The following ZP3 variants were observed in gnomAD, a reference collection of about 807,000 sequenced individuals.
ZP3 encodes zona pellucida sperm-binding protein 3.
In ZP3, 21 loss-of-function variants were observed where a neutral mutation model predicts 35.6. The observed-to-expected ratio is 0.59, with a 90% CI of 0.42 to 0.85. The LOEUF is 0.85. Among genes scored for constraint, ZP3 ranks in the 40% least tolerant of loss-of-function variants. The probability of loss-of-function intolerance (pLI) is 0.00; values close to 1 mark genes in which losing one functional copy is unlikely to be tolerated. For synonymous variants in ZP3, 207 were observed against 214.5 expected (o/e 0.96, Z 0.31); for missense variants, 437 against 536.5 (o/e 0.81, Z 1.83).
At chr7:76,422,161 T>C (rs980924379), upstream of ZP3, among the ~76,000 whole-genome samples, 3 of 151,312 alleles carry the variant, frequency 2.0e-5, no homozygotes, top group African/African-American at 7.3e-5. Context: ...CCTCCCAAAA[T>C]GCTGGGATTA....
intron 5 of ZP3, among the ~76,000 whole-genome samples, chr7:76,438,541 A>AAAAAAAAG: frequency 6.8e-6 from 1 of 146,758 alleles, no homozygotes; most frequent in African/African-American, 2.6e-5. Flanking sequence ...CGTCTCAGAA[A>AAAAAAAAG]AAAAAAAAAA....
intron 1 of ZP3, chr7:76,400,358 T>C: frequency 6.4e-7 from 1 of 1,563,988 alleles, no homozygotes; most frequent in Non-Finnish European, 8.7e-7. Context: ...CCGCACTCGC[T>C]CAGCGCAGCT....
At chr7:76,400,465 A>G (rs770658473) in intron 1 of ZP3, 24 of 1,608,390 alleles carry the variant, frequency 1.5e-5, no homozygotes, top group Non-Finnish European at 2.0e-5. Context: ...GCCACAGCCC[A>G]GCTGGCGACA....
intron 5 of ZP3, among the ~76,000 whole-genome samples, chr7:76,436,045 T>TCC (rs1805995484): frequency 5.3e-5 from 2 of 37,994 alleles, no homozygotes; most frequent in Non-Finnish European, 9.0e-5. Context: ...TTTTTTTTTT[T>TCC]TTTTTTTTTT....
chr7:76,440,508 T>C lies in ZP3; in HGVS notation c.957T>C (p.Cys319=). Residue 319 remains cysteine, a synonymous_variant, in exon 7 of 8, where the codon TGT becomes TGC. Coordinates refer to ENST00000394857, the MANE Select transcript of ZP3 (RefSeq NM_001110354.2). ...WFPVEGSADI[C]QCCNKGDCGT... The stretch of plus-strand genomic sequence containing the variant: ...CAGTGGAAGGCTCGGCTGACATCTG[T>C]CAATGCTGTAACAAAGGTGACTGTG... 1 of 1,614,164 alleles carries C rather than the reference T, an allele frequency of 6.2e-7. No individual in the cohort carries two copies.
chr7:76,421,592 C>T (rs1185848014), upstream of ZP3, among the ~76,000 whole-genome samples: 4 of 151,432 alleles, frequency 2.6e-5, no homozygotes, highest in Non-Finnish European at 2.9e-5. Flanking sequence ...TATACACACA[C>T]ATATATATGT....
At chr7:76,414,680 T>TCCC (rs1318844309) in intron 1 of ZP3, among the ~76,000 whole-genome samples, 1 of 103,868 alleles carries the variant, frequency 9.6e-6, no homozygotes, top group East Asian at 3.2e-4. Context: ...CCCTTCCCCT[T>TCCC]CCCCTCCTCC....
intron 5 of ZP3, among the ~76,000 whole-genome samples, chr7:76,437,645 C>T (rs1806062244): frequency 6.8e-6 from 1 of 147,606 alleles, no homozygotes; most frequent in African/African-American, 2.5e-5. Flanking sequence ...TGCCACCATG[C>T]CCAGCTAATT....
intron 1 of ZP3, among the ~76,000 whole-genome samples, chr7:76,417,116 G>C (rs1237874545): frequency 6.6e-6 from 1 of 151,782 alleles, no homozygotes; most frequent in Non-Finnish European, 1.5e-5. Flanking sequence ...GGAGTGTAAT[G>C]GTGCGATCTC....
intron 3 of ZP3, 74 bp downstream of exon 3, chr7:76,433,104 C>T (rs1563701338): frequency 1.1e-5 from 12 of 1,072,278 alleles, no homozygotes; most frequent in African/African-American, 4.2e-5. Context: ...TTGGCTGTGT[C>T]TTTTTTTTGT....
At chr7:76,416,885 CAT>C (rs1485817540) in intron 1 of ZP3, among the ~76,000 whole-genome samples, 7 of 139,740 alleles carry the variant, frequency 5.0e-5, no homozygotes, top group South Asian at 4.4e-4. Context: ...TACACACATA[CAT>C]ATATATACAC....
At chr7:76,438,538 G>GAAAAA (rs71085417) in intron 5 of ZP3, among the ~76,000 whole-genome samples, 10,072 of 86,998 alleles carry the variant, frequency 0.12, 38 homozygotes, top group Middle Eastern at 0.15. Flanking sequence ...CTCCGTCTCA[G>GAAAAA]AAAAAAAAAA....
At chr7:76,440,978 C>T (rs1292144937) in intron 7 of ZP3, among the ~76,000 whole-genome samples, 9 of 152,040 alleles carry the variant, frequency 5.9e-5, no homozygotes, top group Non-Finnish European at 1.3e-4. Flanking sequence ...TCGAGACCAG[C>T]CTGACCAACA....
At chr7:76,418,656 A>G (rs1805435624) in intron 1 of ZP3, among the ~76,000 whole-genome samples, 1 of 151,552 alleles carries the variant, frequency 6.6e-6, no homozygotes, top group Non-Finnish European at 1.5e-5. Context: ...GGCGGTCGAG[A>G]CCATCCCAGC....
At position 76,404,384 on chromosome 7, in the gene ZP3, C is replaced by T. The variant is rs776083589; in HGVS notation, c.-67+6587C>T. ...AGCACTCCCATCTCCCAACCTCCAC[C>T]CCCAGCGCTTCTCATCCAGCTGGGG... On this transcript the variant is annotated intron_variant, in intron 1 of 8. Coordinates refer to the ZP3 transcript ENST00000336517. The T allele has an allele frequency of 6.8e-6, 11 of 1,613,860 alleles. No individual in the cohort carries two copies. The highest frequency in any genetic ancestry group is 3.3e-5 in the Admixed American group (2 of 59,984).
At chr7:76,430,745 T>C (rs1805803377) in intron 2 of ZP3, among the ~76,000 whole-genome samples, 1 of 151,766 alleles carries the variant, frequency 6.6e-6, no homozygotes, top group African/African-American at 2.4e-5. Flanking sequence ...AAAAAGAAAA[T>C]GCTAGTGTGA....
chr7:76,407,504 G>A (rs1423163442), intron 1 of ZP3, among the ~76,000 whole-genome samples: 2 of 152,050 alleles, frequency 1.3e-5, no homozygotes, highest in South Asian at 4.1e-4. Context: ...GCTAATTGAG[G>A]GAGTATCTCT....
rs938872102 is a variant in ZP3, at chr7:76,429,389, C to T, written c.313-126C>T. On this transcript the variant is annotated intron_variant, in intron 1 of 7. Transcript: ENST00000394857. The stretch of plus-strand genomic sequence containing the variant: ...CTGGGGTTACAGGCATGAGTCACTG[C>T]ACCTGGCCTTGACCCTGTGGTCTTT... The T allele has an allele frequency of 4.7e-6, 4 of 846,286 alleles. No homozygotes were observed. In the Admixed American group the frequency reaches 7.1e-5, roughly 15 times the overall value. The allele number at this position is 846,286 out of a possible 1,614,324, so 52.4% of individuals were successfully genotyped here.
At chr7:76,397,620 C>T (rs757478111) in exon 1 of ZP3, 27 of 1,613,058 alleles carry the variant, frequency 1.7e-5, no homozygotes, top group Middle Eastern at 1.7e-4. Context: ...TCGCAGTGCA[C>T]GTTGTCCAGC....
Sources: allele counts gnomAD v4.1 joint callset (sites outside exome capture counted in the v4.1 genomes callset), GRCh38; gene constraint gnomAD v4.1.1; transcripts MANE v1.5; gene names NCBI Gene and HGNC (gene_info 2026-07-23, HGNC 2026-07-21).